Variants in RFTN2 observed in about 807,000 individuals in gnomAD.
RFTN2 encodes raftlin family member 2.
In RFTN2, 34 loss-of-function variants were observed where a neutral mutation model predicts 52.7. The ratio of observed to expected loss-of-function variants is 0.64; its 90% CI spans 0.49 to 0.86. The LOEUF (loss-of-function observed/expected upper bound fraction) is 0.86, where lower values mean the gene tolerates loss of function less well. RFTN2 is among the 40% of genes least tolerant of loss of function. The probability of loss-of-function intolerance (pLI) is 0.00; values close to 1 mark genes in which losing one functional copy is unlikely to be tolerated. For synonymous variants in RFTN2, 203 were observed against 217.7 expected (o/e 0.93, Z 0.59); for missense variants, 536 against 600.1 (o/e 0.89, Z 1.12).
intron 7 of RFTN2, among the ~76,000 whole-genome samples, chr2:197,597,326 G>C (rs575890766): frequency 6.6e-6 from 1 of 152,116 alleles, no homozygotes; most frequent in Non-Finnish European, 1.5e-5. Context: ...AAATCATCAT[G>C]AGGCTTTGGT....
In RFTN2 at chr2:197,603,851, C is replaced by T. The variant is rs184234091; in HGVS notation, c.1155-7782G>A. Among the ~76,000 whole-genome samples, 127 of 152,214 alleles carry T rather than the reference C, an allele frequency of 8.3e-4. 2 individuals carry two copies. The highest frequency in any genetic ancestry group is 1.2e-4 in the Non-Finnish European group (8 of 68,000). ...CTGAGGCAGAAGAATCGCTTGAACC[C>T]GGGAGGTGGAGGTTGCAGTGAGCCA... On this transcript the variant is annotated intron_variant, in intron 7 of 8. Transcript: ENST00000295049.
At chr2:197,607,588 A>G (rs2087983778) in intron 7 of RFTN2, among the ~76,000 whole-genome samples, 1 of 152,218 alleles carries the variant, frequency 6.6e-6, no homozygotes, top group South Asian at 2.1e-4. Context: ...CTTTTGCTTC[A>G]TCTTACACAT....
chr2:197,571,701 GT>G lies in RFTN2; in HGVS notation c.*306del. On this transcript the variant is annotated 3_prime_UTR_variant, in exon 9 of 9. Transcript: ENST00000295049. ...ATATTCAGTCTCCTTACCAGGAATT[GT>G]AAGAAAGTCTACTTTGTACATTCAT... is the stretch of plus-strand genomic sequence containing the variant. 3.1e-6 allele frequency: 1 copy of G among 321,696 alleles called. No individual in the cohort carries two copies. Among genetic ancestry groups the G allele is most frequent in the Admixed American group, 4.6e-5 (1 of 21,946 alleles). The allele number at this position is 321,696 out of a possible 1,614,324, so 19.9% of individuals were successfully genotyped here. A position where few individuals can be genotyped will look rare whatever the true frequency, so the allele number is the denominator to read the frequency against.
At chr2:197,574,870 AAAACAAAC>A (rs79026014) in intron 8 of RFTN2, among the ~76,000 whole-genome samples, 136 of 150,616 alleles carry the variant, frequency 9.0e-4, no homozygotes, top group Middle Eastern at 3.4e-3. Flanking sequence ...CTCCATCTCA[AAAACAAAC>A]AAACAAACAA....
At chr2:197,622,529 C>T (rs1433147685) in intron 5 of RFTN2, among the ~76,000 whole-genome samples, 2 of 152,152 alleles carry the variant, frequency 1.3e-5, no homozygotes, top group African/African-American at 2.4e-5. Context: ...TGATCTCGAA[C>T]TCCTGACCTC....
At position 197,647,212 on chromosome 2, in the gene RFTN2, ATTTCT is replaced by A. The variant is rs1240764554; in HGVS notation, c.140-551_140-547del. Among the ~76,000 whole-genome samples the A allele has an allele frequency of 6.4e-4, 98 of 152,176 alleles. 1 individual carries two copies. Among genetic ancestry groups the A allele is most frequent in the Admixed American group, 6.4e-3 (97 of 15,266 alleles). ...ATGACTAAACAAGATGAGATGCATA[ATTTCT>A]TTTCTTTTCTTTTTTTCTTTTTTGA... On this transcript the variant is annotated intron_variant, in intron 1 of 8. Transcript: ENST00000295049.
intron 3 of RFTN2, among the ~76,000 whole-genome samples, chr2:197,635,114 A>T (rs1020849576): frequency 6.6e-6 from 1 of 151,922 alleles, no homozygotes; most frequent in Admixed American, 6.6e-5. Flanking sequence ...TATGTGCCAC[A>T]TTTTCTTAAT....
chr2:197,583,874 G>T (rs1206612143), intron 8 of RFTN2, among the ~76,000 whole-genome samples: 1 of 152,004 alleles, frequency 6.6e-6, no homozygotes, highest in Non-Finnish European at 1.5e-5. Context: ...GAGAACATGT[G>T]GTGTTTGGTT....
intron 7 of RFTN2, among the ~76,000 whole-genome samples, chr2:197,613,708 C>T (rs574356915): frequency 6.6e-5 from 10 of 152,284 alleles, no homozygotes; most frequent in South Asian, 4.2e-4. Context: ...ATCCTTGTTA[C>T]CAAATGACCT....
chr2:197,582,488 A>C lies in RFTN2; in HGVS notation c.1234-10208T>G, dbSNP rs193161414. On this transcript the variant is annotated intron_variant, in intron 8 of 8. Transcript: ENST00000295049. ...TATCGATGGCAGTTCTACCAGGCCT[A>C]ATTGCCACTCACCAGCAAAGGCAGG... 1.8e-4 allele frequency among the ~76,000 whole-genome samples: 28 copies of C among 152,254 alleles called. No homozygotes were observed. In the East Asian group the frequency reaches 4.1e-3, roughly 22 times the overall value.
chr2:197,579,655 A>G (rs541115991), intron 8 of RFTN2, among the ~76,000 whole-genome samples: 1 of 151,378 alleles, frequency 6.6e-6, no homozygotes, highest in African/African-American at 2.4e-5. Flanking sequence ...CTTGTCCCAA[A>G]TCCTCCTTCT....
rs2088624100 is a variant in RFTN2 at position 197,639,464 on chromosome 2, T to C, written c.438+4694A>G. Among the ~76,000 whole-genome samples the C allele has an allele frequency of 3.3e-5, 5 of 149,386 alleles. No homozygotes were observed. The South Asian group carries it at 1.1e-3, about 32-fold the overall frequency. ...CTTTTTATTCTTTTTTCTCTAAACT[T>C]CCCTTCTCACTTCATTTCATTCATT... On this transcript the variant is annotated intron_variant, in intron 3 of 8. Transcript: ENST00000295049.
intron 7 of RFTN2, among the ~76,000 whole-genome samples, chr2:197,604,602 C>T (rs2087929604): frequency 6.6e-6 from 1 of 152,138 alleles, no homozygotes; most frequent in Non-Finnish European, 1.5e-5. Context: ...ATAATGTTAT[C>T]TCTGTGTGGA....
At chr2:197,602,820 A>G (rs1224299654) in intron 7 of RFTN2, among the ~76,000 whole-genome samples, 2 of 152,198 alleles carry the variant, frequency 1.3e-5, no homozygotes, top group Non-Finnish European at 2.9e-5. Flanking sequence ...CTTGGAACCA[A>G]CCCAAATGTC....
Position 197,615,905 on chromosome 2 carries a change from C to T in RFTN2, c.1125G>A (p.Val375=), listed in dbSNP as rs2088133137. 1.3e-6 allele frequency: 2 copies of T among 1,556,802 alleles called. No homozygotes were observed. The highest frequency in any genetic ancestry group is 1.7e-6 in the Non-Finnish European group (2 of 1,148,532). ...CATGTCTCAATACAGGTGTGGGCAA[C>T]ACGCTTGTCAGAAGCCATCCGAATT... is the stretch of plus-strand genomic sequence containing the variant. ...LAEFGWLLTS[V]LPTPVLRHDS... The change falls in exon 7 of 9, where the codon GTG becomes GTA. Residue 375 remains valine (V), a synonymous_variant. Coordinates refer to ENST00000295049, the MANE Select transcript of RFTN2 (RefSeq NM_144629.3).
In RFTN2 at chr2:197,631,108, A is replaced by G; in HGVS notation, c.831T>C (p.Ile277=). 1 of 1,612,542 alleles carries G rather than the reference A, an allele frequency of 6.2e-7. No homozygotes were observed. Reference sequence around the variant, plus strand: ...CCAGCCAATCAGCATCAAGTGTACTAATGACTGATCCTTTTCTTGTTACTT... The same window carrying G: ...CCAGCCAATCAGCATCAAGTGTACTGATGACTGATCCTTTTCTTGTTACTT... The part of the protein sequence containing the change: ...SMKVTRKGSV[I]STLDADWLEL... Residue 277 remains isoleucine, a synonymous_variant, in exon 5 of 9, where the codon ATT becomes ATC. Coordinates refer to ENST00000295049, the MANE Select transcript of RFTN2 (RefSeq NM_144629.3).
At chr2:197,585,349 C>T (rs941776662) in intron 8 of RFTN2, among the ~76,000 whole-genome samples, 3 of 152,178 alleles carry the variant, frequency 2.0e-5, no homozygotes, top group Non-Finnish European at 4.4e-5. Context: ...CTTGTAAATG[C>T]CCTGCCCTTG....
chr2:197,658,225 T>C (rs2088921418), intron 1 of RFTN2, among the ~76,000 whole-genome samples: 1 of 151,640 alleles, frequency 6.6e-6, no homozygotes, highest in African/African-American at 2.4e-5. Flanking sequence ...TTTAAGGACT[T>C]GGATTTGACT....
At chr2:197,675,248 A>G in intron 1 of RFTN2, 72 bp downstream of exon 1, 2 of 1,221,656 alleles carry the variant, frequency 1.6e-6, no homozygotes, top group Non-Finnish European at 1.1e-6. Context: ...AAATTTATTA[A>G]GTCAACACTT....
Sources: allele counts gnomAD v4.1 joint callset (sites outside exome capture counted in the v4.1 genomes callset), GRCh38; gene constraint gnomAD v4.1.1; transcripts MANE v1.5; gene names NCBI Gene and HGNC (gene_info 2026-07-23, HGNC 2026-07-21).